Variants in CAPZB observed in about 807,000 individuals in gnomAD.
CAPZB encodes the protein capping actin protein of muscle Z-line subunit beta.
A neutral mutation model predicts 38.1 loss-of-function variants in CAPZB; 2 were observed. The observed-to-expected ratio is 0.05, with a 90% confidence interval of 0.02 to 0.17. The LOEUF (loss-of-function observed/expected upper bound fraction) is 0.17. CAPZB is among the 10% of genes least tolerant of loss of function. The pLI is 1.00. For missense variants in CAPZB, 161 were observed against 334.2 expected, an observed-to-expected ratio of 0.48 and a Z score of 4.04; for synonymous variants, 107 against 127.4, an observed-to-expected ratio of 0.84 and a Z score of 1.08.
At chr1:19,365,583 C>T (rs570216683) in intron 4 of CAPZB, among the ~76,000 whole-genome samples, 4 of 152,234 alleles carry the variant, frequency 2.6e-5, no homozygotes, top group African/African-American at 9.6e-5. Flanking sequence ...GTAATCCCAG[C>T]ATTTAGGGAG....
chr1:19,451,371 T>C (rs576551615), intron 1 of CAPZB, among the ~76,000 whole-genome samples: 117 of 152,276 alleles, frequency 7.7e-4, no homozygotes, highest in Middle Eastern at 3.4e-3. Flanking sequence ...CTGACACAGA[T>C]GGCATGCAAA....
chr1:19,439,748 G>A (rs888671627), intron 1 of CAPZB, among the ~76,000 whole-genome samples: 9 of 152,230 alleles, frequency 5.9e-5, no homozygotes, highest in South Asian at 2.1e-4. Flanking sequence ...CACATGGCAC[G>A]CTTCCGAGAC....
chr1:19,449,010 C>T (rs1481539748), intron 1 of CAPZB: 4 of 1,551,306 alleles, frequency 2.6e-6, no homozygotes, highest in Non-Finnish European at 2.6e-6. Context: ...GGACGCTGCC[C>T]CAGGCTGCTC....
chr1:19,434,859 C>T (rs972286305), intron 1 of CAPZB, among the ~76,000 whole-genome samples: 174 of 152,172 alleles, frequency 1.1e-3, no homozygotes, highest in African/African-American at 4.1e-3. Flanking sequence ...GTCGTGGCTG[C>T]AGTGAGCCAC....
rs915311928 is a variant in CAPZB at position 19,357,990 on chromosome 1, C to T, written c.330-427G>A. 1.3e-5 allele frequency among the ~76,000 whole-genome samples: 2 copies of T among 152,126 alleles called. No individual in the cohort carries two copies. The highest frequency in any genetic ancestry group is 4.8e-5 in the African/African-American group (2 of 41,410). On this transcript the variant is annotated intron_variant, in intron 4 of 8. Coordinates refer to ENST00000264202, the MANE Select transcript of CAPZB (RefSeq NM_004930.5). The surrounding 1 kb of genome is among the most constrained non-coding windows in gnomAD (Gnocchi z 4.3). The stretch of plus-strand genomic sequence containing the variant: ...GCAGATGAGAAAATACAGCAACAAA[C>T]TCCCTACACCCTGATCCCTCCTGAG...
chr1:19,365,650 G>C (rs1334207054), intron 4 of CAPZB, among the ~76,000 whole-genome samples: 2 of 152,148 alleles, frequency 1.3e-5, no homozygotes, highest in African/African-American at 4.8e-5. Flanking sequence ...GACCCACATG[G>C]AGAAGCCCCG....
chr1:19,365,409 T>C (rs550220071), intron 4 of CAPZB, among the ~76,000 whole-genome samples: 61 of 152,278 alleles, frequency 4.0e-4, no homozygotes, highest in Non-Finnish European at 6.9e-4. Context: ...TGTCACTGAG[T>C]TCCAGATCGC....
chr1:19,471,556 G>T (rs1388321862), intron 1 of CAPZB, among the ~76,000 whole-genome samples: 2 of 117,018 alleles, frequency 1.7e-5, no homozygotes, highest in Non-Finnish European at 4.0e-5. Flanking sequence ...ACCAGTTCTT[G>T]TCTGTTACGT....
chr1:19,452,793 CTT>C (rs34430556), intron 1 of CAPZB, among the ~76,000 whole-genome samples: 2,422 of 118,430 alleles, frequency 0.02, 31 homozygotes, highest in African/African-American at 0.059. Flanking sequence ...TAATTTCTTT[CTT>C]TTTTTTTTTT....
intron 1 of CAPZB, among the ~76,000 whole-genome samples, chr1:19,427,142 T>C (rs2094425910): frequency 6.6e-6 from 1 of 152,218 alleles, no homozygotes; most frequent in Admixed American, 6.5e-5. Flanking sequence ...ACGTTTTGTG[T>C]GTGCTTTTAA....
chr1:19,374,969 C>G (rs2094137729), intron 4 of CAPZB, among the ~76,000 whole-genome samples: 1 of 152,120 alleles, frequency 6.6e-6, no homozygotes. Flanking sequence ...CAGCCTGGTC[C>G]CTAGAAAACC....
intron 2 of CAPZB, among the ~76,000 whole-genome samples, chr1:19,416,092 G>C (rs574884228): frequency 3.3e-5 from 5 of 152,382 alleles, no homozygotes; most frequent in African/African-American, 1.2e-4. Flanking sequence ...TCCCGAGGCA[G>C]TGGAGGAAAG....
chr1:19,400,407 C>A (rs1454088237), intron 2 of CAPZB, among the ~76,000 whole-genome samples: 1 of 152,220 alleles, frequency 6.6e-6, no homozygotes, highest in South Asian at 2.1e-4. Flanking sequence ...GCAGACTGAG[C>A]GTGCCATGCC....
At chr1:19,364,746 C>G (rs1490242132) in intron 4 of CAPZB, among the ~76,000 whole-genome samples, 1 of 152,234 alleles carries the variant, frequency 6.6e-6, no homozygotes, top group African/African-American at 2.4e-5. Context: ...ACTCCTCCCT[C>G]CAGCACTCAA....
intron 8 of CAPZB, 126 bp from the exon 9 acceptor site, chr1:19,339,743 T>G (rs1316229373): frequency 2.6e-6 from 2 of 761,958 alleles, no homozygotes; most frequent in African/African-American, 3.4e-5. Context: ...GGTGAGGCTC[T>G]GGGTCACTGG....
intron 6 of CAPZB, among the ~76,000 whole-genome samples, chr1:19,349,265 C>A (rs2093978760): frequency 6.6e-6 from 1 of 152,124 alleles, no homozygotes; most frequent in South Asian, 2.1e-4. Context: ...TTCTCCCAGA[C>A]GTGAAGGTGG....
intron 1 of CAPZB, chr1:19,449,375 T>C (rs2100687063): frequency 2.0e-6 from 2 of 1,004,390 alleles, no homozygotes; most frequent in Non-Finnish European, 2.4e-6. Context: ...ACCTTGTCTC[T>C]ATGCCATCCA....
intron 1 of CAPZB, among the ~76,000 whole-genome samples, chr1:19,431,959 T>C (rs1003081570): frequency 2.1e-5 from 3 of 141,882 alleles, no homozygotes; most frequent in African/African-American, 8.1e-5. Context: ...ATGCCTGTAG[T>C]CCCAGCTACT....
At chr1:19,411,041 C>T (rs76090114) in intron 2 of CAPZB, among the ~76,000 whole-genome samples, 2,904 of 152,148 alleles carry the variant, frequency 0.019, 33 homozygotes, top group Non-Finnish European at 0.031. Flanking sequence ...TGATGGAGAT[C>T]CATTAAAAGT....
Sources: allele counts gnomAD v4.1 joint callset (sites outside exome capture counted in the v4.1 genomes callset), GRCh38; gene constraint gnomAD v4.1.1; non-coding constraint Gnocchi (gnomAD v3.1); transcripts MANE v1.5; gene names NCBI Gene and HGNC (gene_info 2026-07-23, HGNC 2026-07-21).